The following VPS35 variants were observed in gnomAD, a reference collection of about 807,000 sequenced individuals.
VPS35 encodes the protein VPS35 retromer complex component.
In VPS35, 21 loss-of-function variants were observed where a neutral mutation model predicts 98.1. That is an observed-to-expected ratio of 0.21 (90% CI 0.15 to 0.31). The LOEUF is 0.31. Among genes scored for constraint, VPS35 ranks in the 10% least tolerant of loss-of-function variants. The probability of loss-of-function intolerance (pLI) is 1.00; values close to 1 mark genes in which losing one functional copy is unlikely to be tolerated. For missense variants in VPS35, 554 were observed against 950.8 expected, an observed-to-expected ratio of 0.58 and a Z score of 5.49; for synonymous variants, 268 against 318.2, an observed-to-expected ratio of 0.84 and a Z score of 1.68.
At chr16:46,671,263 T>C (rs1966064437) in intron 12 of VPS35, among the ~76,000 whole-genome samples, 1 of 152,184 alleles carries the variant, frequency 6.6e-6, no homozygotes, top group Non-Finnish European at 1.5e-5. Context: ...AAGAATTGTA[T>C]TTCTTATAAA....
Position 46,662,892 on chromosome 16 carries a change from A to G in VPS35, c.1827+91T>C, listed in dbSNP as rs1465937105. On this transcript the variant is annotated intron_variant, in intron 14 of 16. Coordinates refer to ENST00000299138, the MANE Select transcript of VPS35 (RefSeq NM_018206.6). ...GTAGTTACACATTCAGTAAAAGAAGAGTAAATTCATGTGCATTACCACCAT... is the reference window on the plus strand; with the variant it reads ...GTAGTTACACATTCAGTAAAAGAAGGGTAAATTCATGTGCATTACCACCAT... The G allele has an allele frequency of 4.9e-6, 7 of 1,417,842 alleles. No homozygotes were observed. In the African/African-American group the frequency reaches 7.1e-5, roughly 14 times the overall value. The allele number at this position is 1,417,842 out of a possible 1,614,324, so 87.8% of individuals were successfully genotyped here.
chr16:46,666,069 A>C (rs1448507253), intron 13 of VPS35, among the ~76,000 whole-genome samples: 2 of 150,550 alleles, frequency 1.3e-5, no homozygotes, highest in African/African-American at 4.9e-5. Flanking sequence ...ACACCTGGCT[A>C]ATTTTTGTAT....
chr16:46,661,843 C>T lies in VPS35; in HGVS notation c.2086G>A (p.Val696Ile). The T allele has an allele frequency of 6.2e-7, 1 of 1,614,146 alleles. No individual in the cohort carries two copies. Among genetic ancestry groups the T allele is most frequent in the Non-Finnish European group, 8.5e-7 (1 of 1,180,022 alleles). ...AGAGCTTTTTTTAGGCACTCCATTA[C>T]CCTCTTGCCTCCGTGAAGCTAAAAT... ...NGEELHGGKR[V>I]MECLKKALKI... The change falls in exon 16 of 17, where the codon GTA (valine) becomes ATA (isoleucine). Residue 696 changes from valine to isoleucine, a missense_variant. This residue lies in a region of VPS35 where 153 missense variants were observed against 211.0 expected (regional missense o/e 0.73). Coordinates refer to ENST00000299138, the MANE Select transcript of VPS35 (RefSeq NM_018206.6). The surrounding 1 kb of genome is among the most constrained non-coding windows in gnomAD (Gnocchi z 4.3).
At chr16:46,688,468 A>G in intron 1 of VPS35, 4 of 987,288 alleles carry the variant, frequency 4.1e-6, no homozygotes, top group South Asian at 4.7e-5. Flanking sequence ...ATGGCGAGAC[A>G]AAAGAGGCAA....
chr16:46,670,292 AT>A (rs1411275070), intron 12 of VPS35, among the ~76,000 whole-genome samples: 1 of 151,830 alleles, frequency 6.6e-6, no homozygotes, highest in Non-Finnish European at 1.5e-5. Flanking sequence ...AGAAGGCATA[AT>A]TTTTTTTGAG....
At chr16:46,671,936 A>G in intron 11 of VPS35, 76 bp from the exon 12 acceptor site, 1 of 1,582,312 alleles carries the variant, frequency 6.3e-7, no homozygotes, top group Non-Finnish European at 8.6e-7. Flanking sequence ...AAGTGTTTCC[A>G]GTTATAAAAT....
In VPS35 at chr16:46,663,104, C is replaced by A. The variant is rs971583174; in HGVS notation, c.1706G>T (p.Ser569Ile). The A allele has an allele frequency of 6.2e-7, 1 of 1,614,182 alleles. No homozygotes were observed. Among genetic ancestry groups the A allele is most frequent in the African/African-American group, 1.3e-5 (1 of 75,056 alleles). The change falls in exon 14 of 17, where the codon AGT (serine) becomes ATT (isoleucine). Residue 569 changes from serine to isoleucine, a missense_variant. Ser to Ile is a moderately radical substitution (Grantham distance 142). Transcript: ENST00000299138. ...TGCCAGCTCTGCTTTGATCAAAGCA[C>A]TGATAGTCTGGTGGGCAAATGAAAA... ...KIFSFAHQTI[S>I]ALIKAELAEL...
At chr16:46,674,821 C>T (rs1966121697) in intron 8 of VPS35, among the ~76,000 whole-genome samples, 161 bp from the exon 9 acceptor site, 2 of 151,952 alleles carry the variant, frequency 1.3e-5, no homozygotes, top group South Asian at 4.1e-4. Flanking sequence ...GACAGAGTCT[C>T]GCTCTGTCGC....
intron 12 of VPS35, among the ~76,000 whole-genome samples, chr16:46,670,030 C>T (rs2143007142): frequency 6.6e-6 from 1 of 152,272 alleles, no homozygotes; most frequent in African/African-American, 2.4e-5. Context: ...GTGAAATATT[C>T]CATGAATTCT....
At chr16:46,688,445 T>G (rs550660542) in intron 1 of VPS35, 63 of 987,150 alleles carry the variant, frequency 6.4e-5, no homozygotes, top group Admixed American at 1.2e-4. Flanking sequence ...AGTCAAATAC[T>G]TGGATTTTAT....
Position 46,661,785 on chromosome 16 carries a change from A to G in VPS35, c.2144T>C (p.Leu715Pro). The G allele has an allele frequency of 6.2e-7, 1 of 1,614,080 alleles. No individual in the cohort carries two copies. Among genetic ancestry groups the G allele is most frequent in the Non-Finnish European group, 8.5e-7 (1 of 1,179,950 alleles). Residue 715 changes from leucine (L) to proline (P), a missense_variant, in exon 16 of 17, where the codon CTA (leucine) becomes CCA (proline). Physicochemically the swap from Leu to Pro is moderately conservative, Grantham distance 98. Transcript: ENST00000299138. The surrounding 1 kb of genome is among the most constrained non-coding windows in gnomAD (Gnocchi z 4.3). ...KIANQCMDPS[L>P]QVQLFIEILN... ...AATTTCTATAAAAAGCTGCACTTGT[A>G]GAGAGGGGTCCATGCACTGATTTGC... is the stretch of plus-strand genomic sequence containing the variant.
chr16:46,677,620 C>T (rs1966171455), intron 6 of VPS35: 1 of 509,752 alleles, frequency 2.0e-6, no homozygotes, highest in East Asian at 3.7e-5. Flanking sequence ...AATGCAACAT[C>T]CACCTCCTAG....
chr16:46,688,035 C>G lies in VPS35; in HGVS notation c.3+1096G>C, dbSNP rs549859217. 2.6e-4 allele frequency among the ~76,000 whole-genome samples: 39 copies of G among 152,258 alleles called. No homozygotes were observed. In the South Asian group the frequency reaches 7.9e-3, roughly 31 times the overall value. On this transcript the variant is annotated intron_variant, in intron 1 of 16. Coordinates refer to ENST00000299138, the MANE Select transcript of VPS35 (RefSeq NM_018206.6). ...CAAATCCTAAAGTTAAATTTTGCGC[C>G]GGTCTTGTATCAATTCCCAATTATA...
chr16:46,674,249 G>A, intron 10 of VPS35, 65 bp downstream of exon 10: 2 of 1,573,238 alleles, frequency 1.3e-6, no homozygotes, highest in Admixed American at 1.7e-5. Context: ...AAACAATTGA[G>A]AAAGAAAAGC....
chr16:46,668,363 C>A (rs1023235569), intron 13 of VPS35, among the ~76,000 whole-genome samples: 2 of 152,164 alleles, frequency 1.3e-5, no homozygotes, highest in Admixed American at 1.3e-4. Context: ...CCACTGTACT[C>A]CAGCCCGGGC....
chr16:46,671,029 A>G (rs1966060454), intron 12 of VPS35, among the ~76,000 whole-genome samples: 1 of 152,044 alleles, frequency 6.6e-6, no homozygotes, highest in Admixed American at 6.6e-5. Flanking sequence ...AGTATCGGTC[A>G]CTGATACACC....
At position 46,676,627 on chromosome 16, in the gene VPS35, G is replaced by C; in HGVS notation, c.870C>G (p.His290Gln). Residue 290 changes from histidine (H) to glutamine (Q), a missense_variant, in exon 8 of 17, where the codon CAC becomes CAG. Coordinates refer to ENST00000299138, the MANE Select transcript of VPS35 (RefSeq NM_018206.6). ...NPFLRACAEL[H>Q]QNVNVKNIII... ...TTATGTTCTTCACATTTACATTCTG[G>C]TGTAACTCAGCACAGGCCCGAAGAA... 6.2e-7 allele frequency: 1 copy of C among 1,612,846 alleles called. No individual in the cohort carries two copies. Among genetic ancestry groups the C allele is most frequent in the Non-Finnish European group, 8.5e-7 (1 of 1,179,700 alleles).
intron 1 of VPS35, among the ~76,000 whole-genome samples, chr16:46,688,103 G>A (rs1380194219): frequency 6.6e-6 from 1 of 152,156 alleles, no homozygotes; most frequent in East Asian, 1.9e-4. Flanking sequence ...ACGGCAACAC[G>A]TTATATGAAA....
intron 2 of VPS35, 26 bp downstream of exon 2, chr16:46,683,482 T>A (rs376429482): frequency 1.3e-5 from 21 of 1,603,494 alleles, no homozygotes; most frequent in Admixed American, 5.0e-5. Context: ...GAACTGCAAC[T>A]GTGCCTCCCA....
Sources: allele counts gnomAD v4.1 joint callset (sites outside exome capture counted in the v4.1 genomes callset), GRCh38; gene constraint gnomAD v4.1.1; regional missense constraint gnomAD v4.1.1; non-coding constraint Gnocchi (gnomAD v3.1); transcripts MANE v1.5; gene names NCBI Gene and HGNC (gene_info 2026-07-23, HGNC 2026-07-21).